HS6ST3: variants seen among roughly 807,000 people sequenced by gnomAD.
HS6ST3 encodes heparan-sulfate 6-O-sulfotransferase 3.
A neutral mutation model predicts 36.7 loss-of-function variants in HS6ST3; 12 were observed. That is an observed-to-expected ratio of 0.33 (90% CI 0.21 to 0.53). HS6ST3 has a LOEUF of 0.53. Among genes scored for constraint, HS6ST3 ranks in the 20% least tolerant of loss-of-function variants. HS6ST3 has a pLI of 0.95. For missense variants in HS6ST3, 584 were observed against 640.9 expected (o/e 0.91, Z 0.96); for synonymous variants, 240 against 257.5 (o/e 0.93, Z 0.65).
Position 96,835,427 on chromosome 13 carries a change from A to G in HS6ST3, c.*2229A>G, listed in dbSNP as rs1438582243. On this transcript the variant is annotated 3_prime_UTR_variant, in exon 2 of 2. Coordinates refer to ENST00000376705, the MANE Select transcript of HS6ST3 (RefSeq NM_153456.4). ...TTGTTATTTGGTAGAGATTAGGCTC[A>G]CAAAATATTTCTCCATTTCCAGTGA... 1 of 152,214 alleles carries G rather than the reference A, an allele frequency of 6.6e-6. No homozygotes were observed. Among genetic ancestry groups the G allele is most frequent in the Non-Finnish European group, 1.5e-5 (1 of 68,050 alleles). The allele number at this position is 152,214 out of a possible 1,614,324, so 9.4% of individuals were successfully genotyped here.
At chr13:96,817,322 G>A (rs964038973) in intron 1 of HS6ST3, among the ~76,000 whole-genome samples, 5 of 152,158 alleles carry the variant, frequency 3.3e-5, no homozygotes, top group African/African-American at 4.8e-5. Flanking sequence ...TAGAGTGGAC[G>A]CAGGAAATCA....
intron 1 of HS6ST3, among the ~76,000 whole-genome samples, chr13:96,551,096 G>T (rs554348669): frequency 2.6e-5 from 4 of 152,204 alleles, no homozygotes; most frequent in South Asian, 2.1e-4. Context: ...TCTTACAAGG[G>T]TTTACTCAGA....
intron 1 of HS6ST3, among the ~76,000 whole-genome samples, chr13:96,797,732 C>T (rs1594862331): frequency 6.6e-6 from 1 of 152,022 alleles, no homozygotes; most frequent in East Asian, 1.9e-4. Flanking sequence ...ACTTTCACCC[C>T]ACAGCAATCA....
chr13:96,666,809 A>C (rs1314204334), intron 1 of HS6ST3, among the ~76,000 whole-genome samples: 3 of 152,150 alleles, frequency 2.0e-5, no homozygotes, highest in African/African-American at 7.2e-5. Context: ...AAAATAACTC[A>C]TACAGGTATT....
At chr13:96,245,066 C>T (rs2054578278) in intron 1 of HS6ST3, among the ~76,000 whole-genome samples, 1 of 152,170 alleles carries the variant, frequency 6.6e-6, no homozygotes, top group South Asian at 2.1e-4. Flanking sequence ...ATGAGATCAG[C>T]AACTGTGGCA....
chr13:96,096,830 T>A (rs1186935879), intron 1 of HS6ST3, among the ~76,000 whole-genome samples: 1 of 152,208 alleles, frequency 6.6e-6, no homozygotes, highest in Non-Finnish European at 1.5e-5. Flanking sequence ...GACTAGACTA[T>A]TATGGCCTGT....
rs1163155336 is a variant in HS6ST3 at position 96,837,042 on chromosome 13, G to T, written c.*3844G>T. The T allele has an allele frequency of 6.6e-6, 1 of 152,132 alleles. No homozygotes were observed. 9.4% of individuals were successfully genotyped at this position (152,132 alleles called of 1,614,324 possible). On this transcript the variant is annotated 3_prime_UTR_variant, in exon 2 of 2. Transcript: ENST00000376705. Reference sequence around the variant, plus strand: ...CTCATGGGTTAAAACCTAGACATTTGCCACATCTAGCTGCAAAGAAGGCTA... The same window carrying T: ...CTCATGGGTTAAAACCTAGACATTTTCCACATCTAGCTGCAAAGAAGGCTA...
chr13:96,683,908 G>A (rs1020019169), intron 1 of HS6ST3, among the ~76,000 whole-genome samples: 1 of 152,012 alleles, frequency 6.6e-6, no homozygotes, highest in African/African-American at 2.4e-5. Flanking sequence ...GTTTGTTTAA[G>A]TAGGCATTTC....
At chr13:96,505,737 A>G (rs977069293) in intron 1 of HS6ST3, among the ~76,000 whole-genome samples, 1 of 152,182 alleles carries the variant, frequency 6.6e-6, no homozygotes, top group African/African-American at 2.4e-5. Context: ...ATAAGCACAC[A>G]GAGAAAAGAT....
chr13:96,417,743 C>CACACACAT (rs1302817338), intron 1 of HS6ST3, among the ~76,000 whole-genome samples: 12 of 150,560 alleles, frequency 8.0e-5, no homozygotes, highest in African/African-American at 2.9e-4. Context: ...CACACACACA[C>CACACACAT]ACACACACAC....
At chr13:96,291,081 AT>A (rs1266480943) in intron 1 of HS6ST3, among the ~76,000 whole-genome samples, 1 of 152,184 alleles carries the variant, frequency 6.6e-6, no homozygotes, top group Non-Finnish European at 1.5e-5. Context: ...GACATTTTAT[AT>A]TCTTTATATC....
chr13:96,221,489 G>A (rs891937123), intron 1 of HS6ST3, among the ~76,000 whole-genome samples: 1 of 152,152 alleles, frequency 6.6e-6, no homozygotes, highest in Non-Finnish European at 1.5e-5. Flanking sequence ...TTTTTTGAGT[G>A]AATGTGATCT....
intron 1 of HS6ST3, among the ~76,000 whole-genome samples, chr13:96,437,953 G>A (rs968043449): frequency 6.6e-6 from 1 of 152,180 alleles, no homozygotes; most frequent in Non-Finnish European, 1.5e-5. Flanking sequence ...GACAGTCAGA[G>A]GCACAGACAA....
chr13:96,752,988 C>G (rs934672409), intron 1 of HS6ST3, among the ~76,000 whole-genome samples: 1 of 152,112 alleles, frequency 6.6e-6, no homozygotes, highest in African/African-American at 2.4e-5. Context: ...CCCCACATAT[C>G]GCTGAACAGT....
At chr13:96,730,254 C>T (rs1245064215) in intron 1 of HS6ST3, among the ~76,000 whole-genome samples, 1 of 152,178 alleles carries the variant, frequency 6.6e-6, no homozygotes, top group Non-Finnish European at 1.5e-5. Flanking sequence ...CATCTTCTTG[C>T]AGCTCAACAT....
At chr13:96,099,096 A>G (rs970464299) in intron 1 of HS6ST3, among the ~76,000 whole-genome samples, 2 of 151,756 alleles carry the variant, frequency 1.3e-5, no homozygotes, top group African/African-American at 2.4e-5. Flanking sequence ...GGCGCCCACC[A>G]CCATGCCCGG....
chr13:96,655,502 T>C (rs116993576), intron 1 of HS6ST3, among the ~76,000 whole-genome samples: 32 of 152,266 alleles, frequency 2.1e-4, no homozygotes, highest in Admixed American at 1.8e-3. Context: ...GTCTTTTCAT[T>C]TGTATCTATC....
intron 1 of HS6ST3, among the ~76,000 whole-genome samples, chr13:96,366,151 T>A (rs986696544): frequency 6.6e-6 from 1 of 152,214 alleles, no homozygotes; most frequent in Non-Finnish European, 1.5e-5. Flanking sequence ...ATATGTAAAT[T>A]AAAATTTTTC....
At chr13:96,712,392 G>A (rs929034014) in intron 1 of HS6ST3, among the ~76,000 whole-genome samples, 1 of 152,108 alleles carries the variant, frequency 6.6e-6, no homozygotes, top group Non-Finnish European at 1.5e-5. Flanking sequence ...TTGATGTCTT[G>A]GAGCTATGGA....
Sources: allele counts gnomAD v4.1 joint callset (sites outside exome capture counted in the v4.1 genomes callset), GRCh38; gene constraint gnomAD v4.1.1; transcripts MANE v1.5; gene names NCBI Gene and HGNC (gene_info 2026-07-23, HGNC 2026-07-21).